JADE2: variants seen among roughly 807,000 people sequenced by gnomAD.
The protein encoded by JADE2 is E3 ubiquitin-protein ligase Jade-2.
JADE2 carries 13 observed loss-of-function variants against 85.7 expected under a neutral mutation model. The observed-to-expected ratio is 0.15, with a 90% CI of 0.10 to 0.24. The LOEUF is 0.24. Ranked by LOEUF, JADE2 falls within the 10% of genes least tolerant of loss-of-function variation. The probability of loss-of-function intolerance (pLI) is 1.00; values close to 1 mark genes in which losing one functional copy is unlikely to be tolerated. For synonymous variants in JADE2, 440 were observed against 456.1 expected (o/e 0.96, Z 0.45); for missense variants, 846 against 1,115.9 (o/e 0.76, Z 3.45).
At chr5:134,556,091 C>T (rs946811069) in intron 4 of JADE2, among the ~76,000 whole-genome samples, 1 of 152,200 alleles carries the variant, frequency 6.6e-6, no homozygotes, top group Non-Finnish European at 1.5e-5. Context: ...CGCCACAGCT[C>T]TGCCATGTCT....
intron 10 of JADE2, chr5:134,574,072 A>G: frequency 2.4e-6 from 1 of 412,796 alleles, no homozygotes; most frequent in East Asian, 5.4e-5. Context: ...AGGTACAGAG[A>G]AGAAGTCCTA....
chr5:134,577,862 G>C (rs1050306579), intron 11 of JADE2, among the ~76,000 whole-genome samples: 7 of 151,692 alleles, frequency 4.6e-5, no homozygotes, highest in Non-Finnish European at 1.0e-4. Context: ...TGACATCCAG[G>C]AGGGACTGGA....
intron 10 of JADE2, 106 bp from the exon 11 acceptor site, chr5:134,576,662 G>A: frequency 7.4e-7 from 1 of 1,346,880 alleles, no homozygotes; most frequent in African/African-American, 1.5e-5. Flanking sequence ...TGGAGGGTGA[G>A]CACTGGCTGA....
chr5:134,526,981 A>G (rs1219978995), intron 1 of JADE2, among the ~76,000 whole-genome samples: 5 of 152,102 alleles, frequency 3.3e-5, no homozygotes, highest in Non-Finnish European at 7.4e-5. Context: ...GTCCCGCTTC[A>G]GGGACGGATC....
intron 1 of JADE2, among the ~76,000 whole-genome samples, chr5:134,529,099 T>G (rs574838514): frequency 1.2e-4 from 18 of 152,302 alleles, no homozygotes; most frequent in Admixed American, 4.6e-4. Flanking sequence ...AGTGTTCCTC[T>G]TAACAGGAAG....
At chr5:134,527,462 T>C (rs558377032) in intron 1 of JADE2, among the ~76,000 whole-genome samples, 1 of 152,158 alleles carries the variant, frequency 6.6e-6, no homozygotes, top group East Asian at 1.9e-4. Context: ...GGCCCAGCCC[T>C]GTCCCCTACT....
chr5:134,530,170 G>A lies in JADE2; in HGVS notation c.-1+4159G>A, dbSNP rs143307972. Among the ~76,000 whole-genome samples, 840 of 152,320 alleles carry A rather than the reference G, an allele frequency of 5.5e-3. 4 individuals carry two copies. Among genetic ancestry groups the A allele is most frequent in the African/African-American group, 0.019 (796 of 41,584 alleles). On this transcript the variant is annotated intron_variant, in intron 1 of 11. Coordinates refer to ENST00000681547, the MANE Select transcript of JADE2 (RefSeq NM_001388185.1). ...TGGGGCTGTGACCCCGGTTTAAAGC[G>A]GTTTAAGAGTGTGCAGCTCTTGTTT...
At chr5:134,526,625 CCGCCCTGT>C in intron 1 of JADE2, 1 of 985,540 alleles carries the variant, frequency 1.0e-6, no homozygotes, top group Non-Finnish European at 1.2e-6. Context: ...GCCACCGCCT[CCGCCCTGT>C]CGCCCCCTCT....
At chr5:134,545,335 T>C (rs1188115774) in intron 3 of JADE2, among the ~76,000 whole-genome samples, 2 of 152,048 alleles carry the variant, frequency 1.3e-5, no homozygotes, top group African/African-American at 4.8e-5. Flanking sequence ...AAAAGAAATG[T>C]GTGTAATAAA....
chr5:134,559,974 G>C lies in JADE2; in HGVS notation c.456G>C (p.Ser152=). The change falls in exon 5 of 12, where the codon TCG becomes TCC. Residue 152 remains serine, a synonymous_variant. Transcript: ENST00000681547. ...IDAYWLELIN[S]ELKEMERPEL... ...CCTACTGGCTGGAGCTCATCAACTC[G>C]GAGCTTAAGGAGATGGGTAGGTGAC... The C allele has an allele frequency of 6.2e-7, 1 of 1,614,084 alleles. No individual in the cohort carries two copies. Among genetic ancestry groups the C allele is most frequent in the Non-Finnish European group, 8.5e-7 (1 of 1,179,996 alleles).
intron 2 of JADE2, 72 bp from the exon 3 acceptor site, chr5:134,537,917 C>G (rs78855286): frequency 0.019 from 20,966 of 1,122,848 alleles, 271 homozygotes; most frequent in Non-Finnish European, 0.023. Context: ...TTAGAAGCTT[C>G]CTATTCTTGG....
intron 10 of JADE2, chr5:134,575,435 G>A (rs965852472): frequency 6.6e-6 from 1 of 152,254 alleles, no homozygotes; most frequent in Admixed American, 6.5e-5. Flanking sequence ...ACTGGAAGGA[G>A]GCTGGAATGG....
intron 10 of JADE2, chr5:134,574,034 G>A: frequency 1.9e-6 from 1 of 526,464 alleles, no homozygotes; most frequent in East Asian, 3.7e-5. Context: ...CTAGGCCACA[G>A]CAGTTCAGGA....
Position 134,566,703 on chromosome 5 carries a change from C to A in JADE2, c.1434+123C>A. 2 of 761,382 alleles carry A rather than the reference C, an allele frequency of 2.6e-6. No homozygotes were observed. Among genetic ancestry groups the A allele is most frequent in the Non-Finnish European group, 4.1e-6 (2 of 482,786 alleles). The allele number at this position is 761,382 out of a possible 1,614,324, so 47.2% of individuals were successfully genotyped here. ...ACTCAAACTGTGAGCTCTGGTGGAC[C>A]GGCCCTGCTGCAGGAGCCTGCCAAG... is the stretch of plus-strand genomic sequence containing the variant. On this transcript the variant is annotated intron_variant, in intron 9 of 11. Transcript: ENST00000681547. The surrounding 1 kb of genome is among the most constrained non-coding windows in gnomAD (Gnocchi z 6.7).
intron 1 of JADE2, chr5:134,526,364 G>C: frequency 1.0e-6 from 1 of 985,268 alleles, no homozygotes; most frequent in Non-Finnish European, 1.2e-6. Flanking sequence ...GCGGGCGGGG[G>C]CGCGCCAGGG....
intron 1 of JADE2, among the ~76,000 whole-genome samples, chr5:134,529,439 TA>T (rs1761086019): frequency 6.6e-6 from 1 of 152,238 alleles, no homozygotes; most frequent in South Asian, 2.1e-4. Context: ...TCAGACAGCC[TA>T]GGTTTGAATC....
intron 4 of JADE2, among the ~76,000 whole-genome samples, chr5:134,556,291 T>C (rs2149953751): frequency 6.6e-6 from 1 of 152,282 alleles, no homozygotes; most frequent in East Asian, 1.9e-4. Context: ...AGCTGGCTTT[T>C]TGAACTGGCA....
chr5:134,545,908 C>T (rs535503380), intron 3 of JADE2, among the ~76,000 whole-genome samples: 38 of 152,276 alleles, frequency 2.5e-4, no homozygotes, highest in African/African-American at 8.4e-4. Context: ...TCCAGCTCTA[C>T]GTTGGGACTT....
At chr5:134,572,251 G>C (rs1431783212) in intron 9 of JADE2, among the ~76,000 whole-genome samples, 1 of 152,240 alleles carries the variant, frequency 6.6e-6, no homozygotes, top group Non-Finnish European at 1.5e-5. Flanking sequence ...GAGGCTCAGA[G>C]GTGGGTGGCC....
Sources: gnomAD v4.1 joint callset for allele counts (sites outside exome capture counted in the v4.1 genomes callset) on GRCh38, gnomAD v4.1.1 for gene constraint, Gnocchi (gnomAD v3.1) non-coding constraint, MANE v1.5 for transcripts, NCBI Gene and HGNC (gene_info 2026-07-23, HGNC 2026-07-21) for gene names.